Variants in PRICKLE2 observed in about 807,000 individuals in gnomAD.
PRICKLE2 encodes the protein prickle-like protein 2.
In PRICKLE2, 21 loss-of-function variants were observed where a neutral mutation model predicts 81.4. That is an observed-to-expected ratio of 0.26 (90% CI 0.18 to 0.37). The LOEUF (loss-of-function observed/expected upper bound fraction) is 0.37, where lower values mean the gene tolerates loss of function less well. PRICKLE2 is among the 10% of genes least tolerant of loss of function. The pLI, the probability that PRICKLE2 is intolerant of heterozygous loss-of-function variation, is 1.00. For missense variants in PRICKLE2, 940 were observed against 1,109.0 expected (o/e 0.85, Z 2.16); for synonymous variants, 456 against 421.5 (o/e 1.08, Z -1.00).
intron 2 of PRICKLE2, among the ~76,000 whole-genome samples, chr3:64,185,561 G>A (rs1039923579): frequency 6.6e-6 from 1 of 152,154 alleles, no homozygotes; most frequent in African/African-American, 2.4e-5. Flanking sequence ...ATTTTCTTGT[G>A]CCATCCATCT....
At chr3:64,259,455 C>T (rs571448252) in intron 2 of PRICKLE2, among the ~76,000 whole-genome samples, 4 of 152,240 alleles carry the variant, frequency 2.6e-5, no homozygotes, top group South Asian at 4.1e-4. Context: ...CCGAGGAGCT[C>T]GTAGCTAAGT....
chr3:64,164,003 A>G (rs1376426276), intron 2 of PRICKLE2: 1 of 151,980 alleles, frequency 6.6e-6, no homozygotes, highest in African/African-American at 2.4e-5. Flanking sequence ...TCTCTTATTT[A>G]ACGACATGAG....
At chr3:64,158,302 T>G (rs2077672003) in intron 4 of PRICKLE2, among the ~76,000 whole-genome samples, 1 of 152,102 alleles carries the variant, frequency 6.6e-6, no homozygotes. Context: ...TCTTAGAAAA[T>G]GAAGTAAAGA....
intron 2 of PRICKLE2, among the ~76,000 whole-genome samples, chr3:64,171,227 G>A (rs2077925050): frequency 6.6e-6 from 1 of 152,124 alleles, no homozygotes; most frequent in Admixed American, 6.5e-5. Context: ...TAATAAATTA[G>A]CACCTCTATC....
intron 4 of PRICKLE2, among the ~76,000 whole-genome samples, chr3:64,158,985 A>G (rs1291915079): frequency 1.3e-5 from 2 of 152,168 alleles, no homozygotes; most frequent in Non-Finnish European, 2.9e-5. Context: ...AATGTTCAAA[A>G]AGCTGTAGGA....
intron 7 of PRICKLE2, among the ~76,000 whole-genome samples, chr3:64,116,061 T>TA (rs1352086073): frequency 6.6e-6 from 1 of 152,080 alleles, no homozygotes; most frequent in Non-Finnish European, 1.5e-5. Context: ...ACCATACAAT[T>TA]ACATGGAAAT....
intron 6 of PRICKLE2, among the ~76,000 whole-genome samples, chr3:64,150,412 C>T (rs960023704): frequency 3.9e-5 from 6 of 152,142 alleles, no homozygotes; most frequent in African/African-American, 1.2e-4. Context: ...ACTGGGCCTA[C>T]TGACCACTCT....
chr3:64,191,850 C>T (rs1297973219), intron 2 of PRICKLE2, among the ~76,000 whole-genome samples: 1 of 152,216 alleles, frequency 6.6e-6, no homozygotes, highest in African/African-American at 2.4e-5. Context: ...ATGGCTCCCA[C>T]TGGGCTCCCG....
At chr3:64,125,974 G>A (rs1455311781) in intron 7 of PRICKLE2, among the ~76,000 whole-genome samples, 2 of 151,680 alleles carry the variant, frequency 1.3e-5, no homozygotes, top group African/African-American at 4.9e-5. Context: ...TTTGTTTTTA[G>A]TTATCTATGT....
rs769658657 is a variant in PRICKLE2, at chr3:64,146,860, T to A, written c.1630A>T (p.Met544Leu). Reference protein sequence around the residue: ...TPTEQTPRGSMESLALSNATG... With the variant: ...TPTEQTPRGSLESLALSNATG... The stretch of plus-strand genomic sequence containing the variant: ...GCATTAGACAGGGCCAGGGATTCCA[T>A]GGAGCCCCGAGGGGTCTGCTCTGTG... Residue 544 changes from methionine (M) to leucine (L), a missense_variant, in exon 7 of 8, where the codon ATG becomes TTG. Coordinates refer to ENST00000638394, the MANE Select transcript of PRICKLE2 (RefSeq NM_198859.4). 1.9e-6 allele frequency: 3 copies of A among 1,614,040 alleles called. No homozygotes were observed.
At position 64,147,220 on chromosome 3, in the gene PRICKLE2, T is replaced by C. The variant is rs764136015; in HGVS notation, c.1270A>G (p.Ile424Val). The change falls in exon 7 of 8, where the codon ATC becomes GTC. Residue 424 changes from isoleucine (I) to valine (V), a missense_variant. Transcript: ENST00000638394. This position sits in a 1 kb window ranked among gnomAD's most constrained non-coding sequence, Gnocchi z 5.0. ...CCTCCTGGACTGTAGGAAGTTCTGATGTTGCACTGGCTGAGGAGCTGCAGA... is the reference window on the plus strand; with the variant it reads ...CCTCCTGGACTGTAGGAAGTTCTGACGTTGCACTGGCTGAGGAGCTGCAGA... ...SPLQLLSQCN[I>V]RTSYSPGGQG... The C allele has an allele frequency of 1.2e-6, 2 of 1,610,434 alleles. No homozygotes were observed. Among genetic ancestry groups the C allele is most frequent in the South Asian group, 2.2e-5 (2 of 90,704 alleles).
chr3:64,193,788 T>C (rs2078395083), intron 2 of PRICKLE2, among the ~76,000 whole-genome samples: 1 of 152,112 alleles, frequency 6.6e-6, no homozygotes, highest in Admixed American at 6.5e-5. Context: ...AAGGAGGAGT[T>C]TTCCTGCAAA....
At chr3:64,151,589 T>C (rs1427835403) in intron 6 of PRICKLE2, among the ~76,000 whole-genome samples, 1 of 152,170 alleles carries the variant, frequency 6.6e-6, no homozygotes, top group Non-Finnish European at 1.5e-5. Flanking sequence ...GGAAGGGGTA[T>C]TGTTGCCATG....
At chr3:64,267,867 C>A (rs1450457396) in intron 2 of PRICKLE2, 1 of 152,288 alleles carries the variant, frequency 6.6e-6, no homozygotes, top group Non-Finnish European at 1.5e-5. Flanking sequence ...GCGCCGCCCT[C>A]TGTGCTCCCC....
At chr3:64,117,850 A>G (rs1028453044) in intron 7 of PRICKLE2, among the ~76,000 whole-genome samples, 4 of 152,210 alleles carry the variant, frequency 2.6e-5, no homozygotes, top group Non-Finnish European at 5.9e-5. Flanking sequence ...AGAAAATACT[A>G]CTTGAAAATT....
At chr3:64,132,672 T>C (rs1339655986) in intron 7 of PRICKLE2, among the ~76,000 whole-genome samples, 1 of 152,230 alleles carries the variant, frequency 6.6e-6, no homozygotes, top group Non-Finnish European at 1.5e-5. Context: ...TTCCCCATTC[T>C]TTTTGTTTCC....
intron 7 of PRICKLE2, among the ~76,000 whole-genome samples, chr3:64,140,207 C>T (rs2107002474): frequency 6.6e-6 from 1 of 152,268 alleles, no homozygotes; most frequent in Middle Eastern, 3.4e-3. Context: ...TAGTGAGGTG[C>T]AGAATAGATA....
intron 2 of PRICKLE2, among the ~76,000 whole-genome samples, chr3:64,167,604 A>G (rs116290285): frequency 2.6e-3 from 390 of 152,372 alleles, no homozygotes; most frequent in Middle Eastern, 0.024. Flanking sequence ...CCAGCTGGAA[A>G]GATGAGGCTT....
upstream of PRICKLE2, among the ~76,000 whole-genome samples, chr3:64,227,935 A>AT (rs2079051995): frequency 1.3e-5 from 2 of 152,200 alleles, no homozygotes; most frequent in African/African-American, 4.8e-5. Flanking sequence ...TTCCTAGAGC[A>AT]TATCTCAAAG....
Sources: allele counts gnomAD v4.1 joint callset (sites outside exome capture counted in the v4.1 genomes callset), GRCh38; gene constraint gnomAD v4.1.1; non-coding constraint Gnocchi (gnomAD v3.1); transcripts MANE v1.5; gene names NCBI Gene and HGNC (gene_info 2026-07-23, HGNC 2026-07-21).